Variants in IQCB1 observed in about 807,000 individuals in gnomAD.
IQCB1 encodes IQ motif containing B1, also known as IQ calmodulin-binding motif-containing protein 1.
Under a neutral mutation model 84.4 loss-of-function variants are expected in IQCB1, and 56 were observed. The ratio of observed to expected loss-of-function variants is 0.66; its 90% CI spans 0.54 to 0.83. The LOEUF is 0.83. IQCB1 is among the 40% of genes least tolerant of loss of function. The pLI, the probability that IQCB1 is intolerant of heterozygous loss-of-function variation, is 0.00. For missense variants in IQCB1, 629 were observed against 682.1 expected, an observed-to-expected ratio of 0.92 and a Z score of 0.87; for synonymous variants, 210 against 234.8, an observed-to-expected ratio of 0.89 and a Z score of 0.96.
chr3:121,779,244 A>G (rs1948375052), intron 13 of IQCB1, among the ~76,000 whole-genome samples: 21 of 152,032 alleles, frequency 1.4e-4, no homozygotes, highest in Admixed American at 1.4e-3. Flanking sequence ...TTTTCTCTAC[A>G]TCTCCTTCAG....
chr3:121,774,899 T>G (rs1948160173), intron 13 of IQCB1, among the ~76,000 whole-genome samples: 1 of 152,228 alleles, frequency 6.6e-6, no homozygotes, highest in Non-Finnish European at 1.5e-5. Context: ...GTAATTTTTA[T>G]ATTTTATCTA....
intron 12 of IQCB1, among the ~76,000 whole-genome samples, chr3:121,782,555 T>C (rs1326286178): frequency 2.6e-5 from 4 of 152,268 alleles, no homozygotes; most frequent in Non-Finnish European, 5.9e-5. Context: ...TTTTTTGTTT[T>C]GTTTTGTTTT....
At chr3:121,820,979 CTTTTT>C (rs11309493) in intron 5 of IQCB1, among the ~76,000 whole-genome samples, 1 of 150,318 alleles carries the variant, frequency 6.7e-6, no homozygotes, top group African/African-American at 2.5e-5. Context: ...CTGTTTTTTC[CTTTTT>C]TTTCTTTTTT....
intron 2 of IQCB1, among the ~76,000 whole-genome samples, chr3:121,831,800 T>C (rs115891961): frequency 0.015 from 2,246 of 152,304 alleles, 15 homozygotes; most frequent in Middle Eastern, 0.027. Flanking sequence ...ATATAAATCA[T>C]TAAAAGACAG....
rs186867435 is a variant in IQCB1 at position 121,827,798 on chromosome 3, G to A, written c.263+672C>T. On this transcript the variant is annotated intron_variant, in intron 4 of 14. Coordinates refer to ENST00000310864, the MANE Select transcript of IQCB1 (RefSeq NM_001023570.4). ...TATTTAGGAAAAACAAAAAAAGAAG[G>A]CTAGGATCCAGTTAGTAAATACACA... Among the ~76,000 whole-genome samples, 5 of 152,148 alleles carry A rather than the reference G, an allele frequency of 3.3e-5. No homozygotes were observed. The East Asian group carries it at 9.6e-4, about 29-fold the overall frequency.
intron 5 of IQCB1, among the ~76,000 whole-genome samples, chr3:121,823,604 C>A (rs1950349956): frequency 6.6e-6 from 1 of 152,114 alleles, no homozygotes; most frequent in African/African-American, 2.4e-5. Context: ...GAATTATACA[C>A]ATGCAACAGA....
In IQCB1 at chr3:121,799,227, C is replaced by A; in HGVS notation, c.735G>T (p.Leu245Phe). 6.2e-7 allele frequency: 1 copy of A among 1,610,190 alleles called. No individual in the cohort carries two copies. The highest frequency in any genetic ancestry group is 1.1e-5 in the South Asian group (1 of 90,888). The change falls in exon 8 of 15, where the codon TTG becomes TTT. Residue 245 changes from leucine (L) to phenylalanine (F), a missense_variant. Coordinates refer to ENST00000310864, the MANE Select transcript of IQCB1 (RefSeq NM_001023570.4). ...AGCAGGTACTTTGTCTCAGTAAAATCAAAATTTCCTGATGGGATTCAGCCA... is the reference window on the plus strand; with the variant it reads ...AGCAGGTACTTTGTCTCAGTAAAATAAAAATTTCCTGATGGGATTCAGCCA... The part of the protein sequence containing the change: ...LLMAESHQEI[L>F]ILLRQSTCYK...
chr3:121,771,846 G>C (rs2108505769), intron 14 of IQCB1, among the ~76,000 whole-genome samples: 1 of 152,266 alleles, frequency 6.6e-6, no homozygotes, highest in Non-Finnish European at 1.5e-5. Context: ...AAATGGATCA[G>C]TGGTTATGAT....
intron 4 of IQCB1, among the ~76,000 whole-genome samples, chr3:121,828,162 G>A (rs1950520021): frequency 6.6e-6 from 1 of 152,090 alleles, no homozygotes; most frequent in Admixed American, 6.5e-5. Context: ...TACAGAGCCA[G>A]TGCCTTAATT....
At chr3:121,800,483 A>G (rs1949363809) in intron 7 of IQCB1, among the ~76,000 whole-genome samples, 1 of 151,952 alleles carries the variant, frequency 6.6e-6, no homozygotes, top group Non-Finnish European at 1.5e-5. Flanking sequence ...AAGTTATCCA[A>G]TCAAAATATG....
chr3:121,785,566 G>A (rs942115964), intron 12 of IQCB1, among the ~76,000 whole-genome samples: 1 of 152,002 alleles, frequency 6.6e-6, no homozygotes, highest in South Asian at 2.1e-4. Flanking sequence ...AGTCATATAT[G>A]TAATTTTAAA....
intron 10 of IQCB1, among the ~76,000 whole-genome samples, chr3:121,790,978 A>C (rs1234119052): frequency 6.6e-6 from 1 of 152,128 alleles, no homozygotes; most frequent in African/African-American, 2.4e-5. Flanking sequence ...ATCTGCTTTT[A>C]TTCACCAAAA....
intron 8 of IQCB1, among the ~76,000 whole-genome samples, chr3:121,798,044 G>T (rs573726922): frequency 6.6e-6 from 1 of 151,896 alleles, no homozygotes; most frequent in African/African-American, 2.4e-5. Flanking sequence ...TGAGATATAA[G>T]TCAAAGAAAG....
chr3:121,813,581 T>C (rs1455898061), intron 5 of IQCB1, among the ~76,000 whole-genome samples: 1 of 152,110 alleles, frequency 6.6e-6, no homozygotes, highest in African/African-American at 2.4e-5. Flanking sequence ...CAGGAATATT[T>C]ACCAAGCAAA....
At position 121,771,914 on chromosome 3, in the gene IQCB1, G is replaced by A. The variant is rs562772048; in HGVS notation, c.1567+643C>T. On this transcript the variant is annotated intron_variant, in intron 14 of 14. Transcript: ENST00000310864. ...TTATAGGCTAGGCACGGTGGCTCACGCCTATAATCCCAGCACTTTGGGAGG... is the reference window on the plus strand; with the variant it reads ...TTATAGGCTAGGCACGGTGGCTCACACCTATAATCCCAGCACTTTGGGAGG... 1.9e-4 allele frequency among the ~76,000 whole-genome samples: 29 copies of A among 152,120 alleles called. 1 individual carries two copies. The highest frequency in any genetic ancestry group is 4.2e-4 in the South Asian group (2 of 4,806).
chr3:121,796,317 T>A (rs1042977246), intron 9 of IQCB1, among the ~76,000 whole-genome samples: 1 of 152,100 alleles, frequency 6.6e-6, no homozygotes, highest in Admixed American at 6.6e-5. Context: ...CTTGTATTTT[T>A]AAATTTATTG....
rs181689767 is a variant in IQCB1 at position 121,791,771 on chromosome 3, G to A, written c.987-1556C>T. Among the ~76,000 whole-genome samples the A allele has an allele frequency of 2.6e-5, 4 of 152,284 alleles. No homozygotes were observed. The East Asian group carries it at 7.7e-4, about 29-fold the overall frequency. ...TAAAAGAGAGCAGGCCCTAAACAGA[G>A]CCTCCTTTTAAACTGATTTTTAAAA... On this transcript the variant is annotated intron_variant, in intron 10 of 14. Transcript: ENST00000310864.
intron 4 of IQCB1, among the ~76,000 whole-genome samples, chr3:121,828,268 C>T (rs575724112): frequency 5.0e-4 from 76 of 152,010 alleles, no homozygotes; most frequent in Non-Finnish European, 1.2e-4. Flanking sequence ...CTTCATTAAG[C>T]TTGTGGAGGA....
chr3:121,815,792 A>G (rs1206050129), intron 5 of IQCB1, among the ~76,000 whole-genome samples: 6 of 152,146 alleles, frequency 3.9e-5, no homozygotes, highest in Admixed American at 1.3e-4. Flanking sequence ...TTCCATGCTT[A>G]TGGATAGAAA....
Sources: allele counts gnomAD v4.1 joint callset (sites outside exome capture counted in the v4.1 genomes callset), GRCh38; gene constraint gnomAD v4.1.1; transcripts MANE v1.5; gene names NCBI Gene and HGNC (gene_info 2026-07-23, HGNC 2026-07-21).